The following ANKAR variants were observed in gnomAD, a reference collection of about 807,000 sequenced individuals.
The protein encoded by ANKAR is ankyrin and armadillo repeat containing, also known as ankyrin and armadillo repeat-containing protein.
ANKAR carries 136 observed loss-of-function variants against 146.2 expected under a neutral mutation model. That is an observed-to-expected ratio of 0.93 (90% CI 0.81 to 1.07). ANKAR has a LOEUF of 1.07. Among genes scored for constraint, ANKAR ranks in the 50% least tolerant of loss-of-function variants. ANKAR has a pLI of 0.00. For synonymous variants in ANKAR, 500 were observed against 575.8 expected (o/e 0.87, Z 1.88); for missense variants, 1,567 against 1,679.9 (o/e 0.93, Z 1.18).
chr2:189,681,607 C>G (rs73048420), intron 2 of ANKAR, among the ~76,000 whole-genome samples: 5,159 of 152,320 alleles, frequency 0.034, 299 homozygotes, highest in African/African-American at 0.12. Context: ...CACTTAACCA[C>G]CAGCACAGTA....
chr2:189,706,384 T>TCAACAACAA (rs529179927), intron 8 of ANKAR, among the ~76,000 whole-genome samples: 1 of 151,096 alleles, frequency 6.6e-6, no homozygotes, highest in South Asian at 2.1e-4. Context: ...AGACTCCATC[T>TCAACAACAA]CAACAACAAC....
intron 18 of ANKAR, among the ~76,000 whole-genome samples, chr2:189,758,257 T>A (rs920388835): frequency 9.2e-5 from 14 of 152,130 alleles, no homozygotes; most frequent in African/African-American, 3.4e-4. Flanking sequence ...GGCGCATGCC[T>A]ATAATCCCAG....
At chr2:189,725,618 A>G (rs1220749891) in intron 12 of ANKAR, among the ~76,000 whole-genome samples, 1 of 152,204 alleles carries the variant, frequency 6.6e-6, no homozygotes. Flanking sequence ...AACATAAGTA[A>G]GAAAATACAC....
chr2:189,721,458 A>G (rs2041226988), intron 12 of ANKAR, among the ~76,000 whole-genome samples: 1 of 152,220 alleles, frequency 6.6e-6, no homozygotes, highest in South Asian at 2.1e-4. Flanking sequence ...TGAATAGTAC[A>G]TATTGATAGT....
At position 189,729,111 on chromosome 2, in the gene ANKAR, TAAGAGA is replaced by T. The variant is rs541009391; in HGVS notation, c.3193+293_3193+298del. ...CTGAAAGCAATCTCTTTTTTAAGTT[TAAGAGA>T]AAAATAGTTCTTTTGAATCTCAAGA... On this transcript the variant is annotated intron_variant, in intron 15 of 22. Transcript: ENST00000684021. Among the ~76,000 whole-genome samples, 143 of 152,230 alleles carry T rather than the reference TAAGAGA, an allele frequency of 9.4e-4. 6 individuals carry two copies. Among genetic ancestry groups the T allele is most frequent in the Non-Finnish European group, 8.5e-4 (58 of 68,046 alleles).
At chr2:189,682,953 C>T (rs1462418424) in intron 2 of ANKAR, among the ~76,000 whole-genome samples, 1 of 152,146 alleles carries the variant, frequency 6.6e-6, no homozygotes, top group Non-Finnish European at 1.5e-5. Flanking sequence ...AATGTTGAAA[C>T]CTAATCACCA....
downstream of ANKAR, among the ~76,000 whole-genome samples, chr2:189,749,287 CG>C (rs1231427094): frequency 1.6e-3 from 42 of 25,782 alleles, 1 homozygote; most frequent in South Asian, 4.5e-3. Context: ...TATTACTCCA[CG>C]GTTTTTTTTT....
At chr2:189,718,298 A>G (rs1169897403) in intron 10 of ANKAR, among the ~76,000 whole-genome samples, 3 of 148,300 alleles carry the variant, frequency 2.0e-5, no homozygotes, top group South Asian at 4.4e-4. Context: ...GTCTTTATCT[A>G]TATCTATCTA....
At chr2:189,743,831 C>T (rs1027494026) in intron 21 of ANKAR, among the ~76,000 whole-genome samples, 8 of 152,194 alleles carry the variant, frequency 5.3e-5, no homozygotes, top group African/African-American at 1.9e-4. Context: ...ACCACCTGAC[C>T]TTAGCATCAA....
intron 10 of ANKAR, among the ~76,000 whole-genome samples, chr2:189,714,737 G>A (rs1050499906): frequency 3.3e-5 from 5 of 151,778 alleles, no homozygotes; most frequent in African/African-American, 1.2e-4. Flanking sequence ...ACGAGGTCAG[G>A]AGATGGAGAC....
intron 5 of ANKAR, among the ~76,000 whole-genome samples, chr2:189,693,461 T>C (rs756286630): frequency 6.6e-6 from 1 of 152,204 alleles, no homozygotes; most frequent in Non-Finnish European, 1.5e-5. Context: ...AATCCCAGCC[T>C]ATTTGTCTTT....
chr2:189,762,845 G>C, downstream of ANKAR: 1 of 985,448 alleles, frequency 1.0e-6, no homozygotes, highest in Non-Finnish European at 1.2e-6. Context: ...TTCCGCTAGC[G>C]AGCGGCATGC....
At chr2:189,751,830 A>ATTAAC (rs56964037) in intron 18 of ANKAR, among the ~76,000 whole-genome samples, 149,006 of 151,854 alleles carry the variant, frequency 0.98, 73,165 homozygotes, top group Non-Finnish European at 1. Context: ...CTATTCCAGA[A>ATTAAC]TTAAAACAGA....
chr2:189,726,337 T>C (rs2041874407), intron 12 of ANKAR, among the ~76,000 whole-genome samples: 1 of 151,976 alleles, frequency 6.6e-6, no homozygotes, highest in African/African-American at 2.4e-5. Flanking sequence ...TTTTTTGAAA[T>C]GAGGTTGCTA....
intron 10 of ANKAR, among the ~76,000 whole-genome samples, chr2:189,712,312 C>A (rs185987011): frequency 1.3e-5 from 2 of 152,226 alleles, no homozygotes; most frequent in East Asian, 3.8e-4. Context: ...TCCCTCACCC[C>A]CTTGTAGCCT....
Position 189,730,486 on chromosome 2 carries a change from C to T in ANKAR, c.3194-9C>T. 1.3e-6 allele frequency: 2 copies of T among 1,533,036 alleles called. No homozygotes were observed. The highest frequency in any genetic ancestry group is 1.8e-6 in the Non-Finnish European group (2 of 1,121,114). The allele number at this position is 1,533,036 out of a possible 1,614,324, so 95.0% of individuals were successfully genotyped here. On this transcript the variant is annotated splice_polypyrimidine_tract_variant and intron_variant, in intron 15 of 22. Transcript: ENST00000684021. ...AAAAATATTACCTCACTGGCGTGGA[C>T]TCTTACAGGTGTAGCCCATACAAGC...
chr2:189,682,039 A>C (rs944709031), intron 2 of ANKAR, among the ~76,000 whole-genome samples: 9 of 152,172 alleles, frequency 5.9e-5, no homozygotes, highest in African/African-American at 2.2e-4. Context: ...AACCTTAACA[A>C]ATCCAGTCAC....
At chr2:189,746,890 G>C (rs2044229784), downstream of ANKAR, 1 of 260,910 alleles carries the variant, frequency 3.8e-6, no homozygotes. Flanking sequence ...GGTATAACTA[G>C]TGTATATATC....
chr2:189,695,095 G>C lies in ANKAR; in HGVS notation c.1422G>C (p.Leu474=), dbSNP rs746419356. Residue 474 remains leucine (L), a synonymous_variant, in exon 6 of 23, where the codon CTG becomes CTC. Coordinates refer to ENST00000684021, the MANE Select transcript of ANKAR (RefSeq NM_001378068.1). ...ATCTGAGACTGAAAAGACTTCCACT[G>C]ACAGATGCTCAATTACATGAACAAT... ...VNNLRLKRLP[L]TDAQLHEQFK... 6.2e-7 allele frequency: 1 copy of C among 1,612,766 alleles called. No homozygotes were observed. The highest frequency in any genetic ancestry group is 1.7e-5 in the Admixed American group (1 of 59,824).
Sources: gnomAD v4.1 joint callset for allele counts (sites outside exome capture counted in the v4.1 genomes callset) on GRCh38, gnomAD v4.1.1 for gene constraint, MANE v1.5 for transcripts, NCBI Gene and HGNC (gene_info 2026-07-23, HGNC 2026-07-21) for gene names.